Variants in ADGRE3 observed in about 807,000 individuals in gnomAD.
ADGRE3 encodes the protein adhesion G protein-coupled receptor E3, also known as EGF-like module receptor 3.
Under a neutral mutation model 80.1 loss-of-function variants are expected in ADGRE3, and 88 were observed. The observed-to-expected ratio is 1.10, with a 90% CI of 0.93 to 1.31. ADGRE3 has a LOEUF of 1.31. Among genes scored for constraint, ADGRE3 ranks in the 40% most tolerant of loss-of-function variants. ADGRE3 has a pLI of 0.00. For synonymous variants in ADGRE3, 281 were observed against 294.8 expected (o/e 0.95, Z 0.48); for missense variants, 715 against 776.5 (o/e 0.92, Z 0.94).
At chr19:14,667,089 A>T (rs1482406511) in intron 2 of ADGRE3, among the ~76,000 whole-genome samples, 1 of 152,106 alleles carries the variant, frequency 6.6e-6, no homozygotes, top group Non-Finnish European at 1.5e-5. Context: ...TCCTTCCAAC[A>T]TGGTGACCTC....
At chr19:14,663,375 GA>G in intron 3 of ADGRE3, 42 bp downstream of exon 3, 1 of 1,222,516 alleles carries the variant, frequency 8.2e-7, no homozygotes, top group Non-Finnish European at 1.1e-6. Context: ...TAATAATAAT[GA>G]TAATAAAATA....
In ADGRE3 at chr19:14,636,155, T is replaced by TTCC. The variant is rs375048347; in HGVS notation, c.1484+1949_1484+1950insGGA. On this transcript the variant is annotated intron_variant, in intron 11 of 15. Coordinates refer to ENST00000253673, the MANE Select transcript of ADGRE3 (RefSeq NM_032571.5). ...CTTTCTTTCTTTCTTTCTTTCTTCC[T>TTCC]TTCCTCCTTTCCTTTCCTTTCCTTC... Among the ~76,000 whole-genome samples the TTCC allele has an allele frequency of 7.5e-3, 781 of 104,572 alleles. 139 individuals are homozygous for TTCC. Among genetic ancestry groups the TTCC allele is most frequent in the Middle Eastern group, 0.035 (8 of 226 alleles). The allele number at this position is 104,572 out of a possible 152,430, so 68.6% of individuals were successfully genotyped here. A position where few individuals can be genotyped will look rare whatever the true frequency, so the allele number is the denominator to read the frequency against.
At chr19:14,612,562 T>G in the ADGRE3 span, among the ~76,000 whole-genome samples, 1 of 152,258 alleles carries the variant, frequency 6.6e-6, no homozygotes, top group Non-Finnish European at 1.5e-5. Context: ...TTTGAACTCC[T>G]AGGCTCAAGC....
At chr19:14,648,127 C>T (rs1309278038) in intron 7 of ADGRE3, among the ~76,000 whole-genome samples, 1 of 151,276 alleles carries the variant, frequency 6.6e-6, no homozygotes, top group Non-Finnish European at 1.5e-5. Context: ...ACAAACAACC[C>T]ACTTTTTGCA....
chr19:14,618,846 CAAA>C (rs771965258), downstream of ADGRE3, among the ~76,000 whole-genome samples: 173 of 61,930 alleles, frequency 2.8e-3, no homozygotes, highest in African/African-American at 9.8e-3. Context: ...AACTCCATCT[CAAA>C]AAAAAAAAAA....
At chr19:14,620,466 A>ATC (rs754241900) in intron 15 of ADGRE3, among the ~76,000 whole-genome samples, 1 of 31,036 alleles carries the variant, frequency 3.2e-5, no homozygotes, top group Non-Finnish European at 6.2e-5. Context: ...GAATATATGA[A>ATC]TATATTATGA....
chr19:14,650,156 C>T (rs1971548447), intron 7 of ADGRE3, among the ~76,000 whole-genome samples: 1 of 147,414 alleles, frequency 6.8e-6, no homozygotes, highest in South Asian at 2.3e-4. Flanking sequence ...CTCTCTCTTT[C>T]CACCTCTCTT....
chr19:14,659,834 A>AAAAG (rs1971891047), intron 4 of ADGRE3, among the ~76,000 whole-genome samples: 1 of 150,342 alleles, frequency 6.7e-6, no homozygotes, highest in East Asian at 1.9e-4. Flanking sequence ...AAAAAAAAAA[A>AAAAG]AAAAAAAAAA....
chr19:14,636,004 T>TTCCTTCCTTCCTTCCTTC (rs796166536), intron 11 of ADGRE3, among the ~76,000 whole-genome samples: 1 of 74,280 alleles, frequency 1.3e-5, no homozygotes, highest in Non-Finnish European at 2.8e-5. Flanking sequence ...TCTCTCTTTC[T>TTCCTTCCTTCCTTCCTTC]CTTTCTTTCT....
At chr19:14,620,569 T>TATATATATATATA (rs1427819287) in intron 15 of ADGRE3, among the ~76,000 whole-genome samples, 24 of 7,566 alleles carry the variant, frequency 3.2e-3, no homozygotes, top group African/African-American at 8.9e-3. Context: ...TATATATATA[T>TATATATATATATA]TTTTTTTTTT....
intron 10 of ADGRE3, among the ~76,000 whole-genome samples, 192 bp downstream of exon 10, chr19:14,641,227 C>T (rs539446720): frequency 2.0e-4 from 30 of 152,308 alleles, no homozygotes; most frequent in Non-Finnish European, 3.1e-4. Context: ...TAATGAACTT[C>T]TGTTTGCTTT....
downstream of ADGRE3, among the ~76,000 whole-genome samples, chr19:14,615,202 C>CTTTTTTT (rs34167082): frequency 1.1e-3 from 69 of 65,630 alleles, 2 homozygotes; most frequent in South Asian, 1.8e-3. Context: ...CAGCTGCCTT[C>CTTTTTTT]TTTTTTTTTT....
chr19:14,640,248 C>T (rs1354328445), intron 10 of ADGRE3, among the ~76,000 whole-genome samples: 4 of 152,164 alleles, frequency 2.6e-5, no homozygotes, highest in Non-Finnish European at 5.9e-5. Flanking sequence ...CTTCTACCCT[C>T]CTACCCTTGC....
chr19:14,636,070 C>G (rs1487311586), intron 11 of ADGRE3, among the ~76,000 whole-genome samples: 1 of 103,154 alleles, frequency 9.7e-6, no homozygotes, highest in Non-Finnish European at 1.9e-5. Context: ...CCTTTCCTTT[C>G]CTTTCCTTTC....
In ADGRE3 at chr19:14,621,031, T is replaced by G. The variant is rs567677897; in HGVS notation, c.1921-1560A>C. Among the ~76,000 whole-genome samples the G allele has an allele frequency of 8.7e-4, 132 of 152,114 alleles. 6 individuals are homozygous for G. The South Asian group carries it at 0.027, about 31-fold the overall frequency. On this transcript the variant is annotated intron_variant, in intron 15 of 15. Transcript: ENST00000253673. ...TTAAGCCTAATATTAATCAAATTTT[T>G]TTTTTGAGACAGAGTTTCATTCTTG...
intron 9 of ADGRE3, among the ~76,000 whole-genome samples, chr19:14,643,065 T>C (rs1971295883): frequency 6.6e-6 from 1 of 152,190 alleles, no homozygotes; most frequent in African/African-American, 2.4e-5. Flanking sequence ...TGTTCCTTTT[T>C]TTCTGCTACC....
downstream of ADGRE3, among the ~76,000 whole-genome samples, chr19:14,617,438 C>G (rs1568469637): frequency 7.1e-6 from 1 of 140,278 alleles, no homozygotes; most frequent in Non-Finnish European, 1.6e-5. Context: ...TACTCTGTCA[C>G]CCAAACTAGA....
At position 14,654,890 on chromosome 19, in the gene ADGRE3, T is replaced by C; in HGVS notation, c.577+92A>G. On this transcript the variant is annotated intron_variant, in intron 6 of 15. Coordinates refer to ENST00000253673, the MANE Select transcript of ADGRE3 (RefSeq NM_032571.5). ...TGTAATTTACATAAAGGGACTCATG[T>C]GGTGTATTCAATTTTTTTTTTCTAA... 5 of 922,698 alleles carry C rather than the reference T, an allele frequency of 5.4e-6. No individual in the cohort carries two copies. In the South Asian group the frequency reaches 8.6e-5, roughly 16 times the overall value. 57.2% of individuals were successfully genotyped at this position (922,698 alleles called of 1,614,324 possible). A position where few individuals can be genotyped will look rare whatever the true frequency, so the allele number is the denominator to read the frequency against.
intron 1 of ADGRE3, among the ~76,000 whole-genome samples, 185 bp downstream of exon 1, chr19:14,674,561 C>T (rs935992063): frequency 6.6e-6 from 1 of 151,866 alleles, no homozygotes; most frequent in Admixed American, 6.6e-5. Context: ...TGGATAGGAA[C>T]ATTTTAGGGA....
Sources: gnomAD v4.1 joint callset for allele counts (sites outside exome capture counted in the v4.1 genomes callset) on GRCh38, gnomAD v4.1.1 for gene constraint, MANE v1.5 for transcripts, NCBI Gene and HGNC (gene_info 2026-07-23, HGNC 2026-07-21) for gene names.